Variants in GALNS observed in about 807,000 individuals in gnomAD.
GALNS encodes N-acetylgalactosamine-6-sulfatase.
GALNS carries 65 observed loss-of-function variants against 65.9 expected under a neutral mutation model. The ratio of observed to expected loss-of-function variants is 0.99; its 90% CI spans 0.81 to 1.21. The LOEUF (loss-of-function observed/expected upper bound fraction) is 1.21. Ranked by LOEUF, GALNS falls within the 50% of genes most tolerant of loss-of-function variation. The pLI, the probability that GALNS is intolerant of heterozygous loss-of-function variation, is 0.00. For missense variants in GALNS, 776 were observed against 700.7 expected, an observed-to-expected ratio of 1.11 and a Z score of -1.21; for synonymous variants, 346 against 288.9, an observed-to-expected ratio of 1.20 and a Z score of -2.00.
chr16:88,853,845 C>T (rs1442501013), intron 1 of GALNS, among the ~76,000 whole-genome samples: 1 of 152,192 alleles, frequency 6.6e-6, no homozygotes, highest in Non-Finnish European at 1.5e-5. Context: ...TCAGCTCCCC[C>T]TGGACAGGTG....
In GALNS at chr16:88,829,082, C is replaced by T. The variant is rs113033906; in HGVS notation, c.1003-2244G>A. ...ACACGGGTCCCGAGTCTCATGCCAA[C>T]GTCTCCCAGAGCTACACAGTTCCTG... On this transcript the variant is annotated intron_variant, in intron 9 of 13. Coordinates refer to ENST00000268695, the MANE Select transcript of GALNS (RefSeq NM_000512.5). Among the ~76,000 whole-genome samples the T allele has an allele frequency of 8.4e-3, 1,218 of 145,320 alleles. 29 individuals carry two copies. Among genetic ancestry groups the T allele is most frequent in the East Asian group, 0.039 (181 of 4,590 alleles).
chr16:88,848,268 A>C (rs1967344041), intron 1 of GALNS, among the ~76,000 whole-genome samples: 2 of 152,004 alleles, frequency 1.3e-5, no homozygotes, highest in Non-Finnish European at 2.9e-5. Flanking sequence ...TGGCAGGACG[A>C]CTCTGAGAAC....
intron 12 of GALNS, 99 bp from the exon 13 acceptor site, chr16:88,818,223 G>A: frequency 2.1e-6 from 2 of 941,584 alleles, no homozygotes; most frequent in Non-Finnish European, 3.3e-6. Context: ...CTAACGGGCT[G>A]AGAACCACAG....
Position 88,855,607 on chromosome 16 carries a change from G to A in GALNS, c.120+1151C>T, listed in dbSNP as rs1967788897. On this transcript the variant is annotated intron_variant, in intron 1 of 13. Transcript: ENST00000268695. Reference sequence around the variant, plus strand: ...CCCCTGGGTGGGGAAATTATGGGTGGTGTCTGTTATCTTTTCAAGTATATC... The same window carrying A: ...CCCCTGGGTGGGGAAATTATGGGTGATGTCTGTTATCTTTTCAAGTATATC... 6 of 643,002 alleles carry A rather than the reference G, an allele frequency of 9.3e-6. No homozygotes were observed. The East Asian group carries it at 1.1e-4, about 12-fold the overall frequency. 39.8% of individuals were successfully genotyped at this position (643,002 alleles called of 1,614,324 possible).
At chr16:88,823,239 C>G (rs1222164114) in intron 11 of GALNS, among the ~76,000 whole-genome samples, 1 of 152,196 alleles carries the variant, frequency 6.6e-6, no homozygotes, top group African/African-American at 2.4e-5. Context: ...AACCCTAAGA[C>G]AGGGAGGAGC....
At chr16:88,845,012 T>G (rs1468386600) in intron 1 of GALNS, 2 of 152,252 alleles carry the variant, frequency 1.3e-5, no homozygotes, top group Non-Finnish European at 2.9e-5. Context: ...TTTGAACAAT[T>G]TAAAATTATA....
At chr16:88,835,384 C>T (rs751019326) in intron 7 of GALNS, 32 bp from the exon 8 acceptor site, 3 of 1,612,594 alleles carry the variant, frequency 1.9e-6, no homozygotes, top group Non-Finnish European at 2.5e-6. Context: ...CATCTCCATA[C>T]CTGGAGGATG....
chr16:88,815,398 C>G (rs1039067851), intron 13 of GALNS: 23 of 985,360 alleles, frequency 2.3e-5, no homozygotes, highest in Non-Finnish European at 2.5e-5. Context: ...CAGGGAGAAG[C>G]CAGTCCCTAC....
At chr16:88,815,377 G>A in intron 13 of GALNS, 1 of 985,472 alleles carries the variant, frequency 1.0e-6, no homozygotes, top group African/African-American at 1.7e-5. Flanking sequence ...AGCCTCTCAA[G>A]AAGCCTTTCC....
In GALNS at chr16:88,827,491, G is replaced by A. The variant is rs886526099; in HGVS notation, c.1003-653C>T. On this transcript the variant is annotated intron_variant, in intron 9 of 13. Transcript: ENST00000268695. ...GATGGAGTTTTGTTCTTGTCACCCA[G>A]GCTGGAGTGCAGTGGTGCGATCTCA... is the stretch of plus-strand genomic sequence containing the variant. Among the ~76,000 whole-genome samples the A allele has an allele frequency of 3.9e-5, 6 of 152,174 alleles. No homozygotes were observed. In the South Asian group the frequency reaches 1.2e-3, roughly 31 times the overall value.
chr16:88,835,513 T>C (rs1445824037), intron 7 of GALNS, among the ~76,000 whole-genome samples, 161 bp from the exon 8 acceptor site: 1 of 152,130 alleles, frequency 6.6e-6, no homozygotes. Context: ...TGGCCTCAGT[T>C]CAAGTTCATG....
At chr16:88,825,023 C>A (rs544651864) in intron 10 of GALNS, among the ~76,000 whole-genome samples, 154 bp from the exon 11 acceptor site, 1 of 152,288 alleles carries the variant, frequency 6.6e-6, no homozygotes, top group East Asian at 1.9e-4. Context: ...AAAAGGCCCG[C>A]AAGGTGGCTG....
chr16:88,831,972 C>A, intron 9 of GALNS, 26 bp downstream of exon 9: 1 of 1,602,214 alleles, frequency 6.2e-7, no homozygotes, highest in South Asian at 1.1e-5. Flanking sequence ...ACCTGCTGCC[C>A]GGCAGACCGG....
intron 9 of GALNS, among the ~76,000 whole-genome samples, chr16:88,830,060 G>A (rs1348834274): frequency 3.3e-5 from 5 of 151,932 alleles, no homozygotes; most frequent in Admixed American, 1.3e-4. Flanking sequence ...GTGAAACTCC[G>A]TCTCTACTAA....
intron 11 of GALNS, 142 bp from the exon 12 acceptor site, chr16:88,822,852 C>T (rs548331088): frequency 4.8e-5 from 62 of 1,300,550 alleles, no homozygotes; most frequent in East Asian, 3.0e-4. Context: ...AACTGGGGGC[C>T]GTGGGGGGGT....
intron 7 of GALNS, 143 bp downstream of exon 7, chr16:88,835,582 C>A: frequency 7.4e-7 from 1 of 1,360,014 alleles, no homozygotes; most frequent in Non-Finnish European, 1.0e-6. Flanking sequence ...TGATCCCAGG[C>A]CAGTGGACGG....
Position 88,856,739 on chromosome 16 carries a change from T to C in GALNS, c.120+19A>G, listed in dbSNP as rs1597614899. The C allele has an allele frequency of 4.7e-6, 5 of 1,060,776 alleles. No individual in the cohort carries two copies. The highest frequency in any genetic ancestry group is 5.3e-6 in the Non-Finnish European group (4 of 752,642). The allele number at this position is 1,060,776 out of a possible 1,614,324, so 65.7% of individuals were successfully genotyped here. ...CCCGCCCCACCCCGGCCCTGCCCCG[T>C]CCCACCGCCCGCACTCACGTCGTCC... On this transcript the variant is annotated intron_variant, in intron 1 of 13. Coordinates refer to ENST00000268695, the MANE Select transcript of GALNS (RefSeq NM_000512.5).
At chr16:88,817,892 G>A (rs1185703402) in intron 13 of GALNS, 115 bp downstream of exon 13, 11 of 903,848 alleles carry the variant, frequency 1.2e-5, no homozygotes, top group Middle Eastern at 2.9e-4. Context: ...CACCACTGAC[G>A]GAGGCGGGGA....
intron 4 of GALNS, 145 bp from the exon 5 acceptor site, chr16:88,837,910 G>A (rs1192766800): frequency 8.7e-6 from 7 of 801,776 alleles, no homozygotes; most frequent in African/African-American, 1.7e-5. Context: ...GGGCACGGCA[G>A]GGACAAAAGA....
Sources: gnomAD v4.1 joint callset for allele counts (sites outside exome capture counted in the v4.1 genomes callset) on GRCh38, gnomAD v4.1.1 for gene constraint, MANE v1.5 for transcripts, NCBI Gene and HGNC (gene_info 2026-07-23, HGNC 2026-07-21) for gene names.